Variants in PCDH7 observed in about 807,000 individuals in gnomAD.
PCDH7 encodes the protein protocadherin 7.
PCDH7 carries 17 observed loss-of-function variants against 58.9 expected under a neutral mutation model. That is an observed-to-expected ratio of 0.29 (90% CI 0.20 to 0.43). The LOEUF is 0.43. PCDH7 is among the 20% of genes least tolerant of loss of function. The pLI is 1.00. For synonymous variants in PCDH7, 664 were observed against 616.4 expected (o/e 1.08, Z -1.14); for missense variants, 1,274 against 1,441.0 (o/e 0.88, Z 1.88).
At position 30,937,124 on chromosome 4, in the gene PCDH7, CT is replaced by C. The variant is rs1169228442; in HGVS notation, c.288-12990del. Reference sequence around the variant, plus strand: ...AAGATTGTGGAAACAAAGCAATTAACTTTTTTAATTATGCAAACCATTCAGT... The same window carrying C: ...AAGATTGTGGAAACAAAGCAATTAACTTTTTAATTATGCAAACCATTCAGT... On this transcript the variant is annotated intron_variant, in intron 2 of 3. Transcript: ENST00000509759. 2.6e-5 allele frequency among the ~76,000 whole-genome samples: 4 copies of C among 152,100 alleles called. No individual in the cohort carries two copies. The East Asian group carries it at 7.7e-4, about 29-fold the overall frequency.
At chr4:31,062,715 C>A (rs1757784385) in intron 3 of PCDH7, among the ~76,000 whole-genome samples, 1 of 151,788 alleles carries the variant, frequency 6.6e-6, no homozygotes, top group Non-Finnish European at 1.5e-5. Flanking sequence ...TGTCAAAATG[C>A]CACAGGGCCA....
chr4:30,850,996 A>G (rs1732659907), intron 1 of PCDH7, among the ~76,000 whole-genome samples: 2 of 152,046 alleles, frequency 1.3e-5, no homozygotes, highest in Non-Finnish European at 2.9e-5. Context: ...TGGAGATATT[A>G]AAGGAAGCCA....
intron 3 of PCDH7, among the ~76,000 whole-genome samples, chr4:31,055,651 G>T (rs1020101066): frequency 1.3e-5 from 2 of 151,532 alleles, no homozygotes; most frequent in African/African-American, 2.4e-5. Context: ...ATCTCGGCTC[G>T]CTGCAACCTC....
Position 30,839,183 on chromosome 4 carries a change from A to C in PCDH7, c.71-80970A>C, listed in dbSNP as rs188232072. ...ATGTATTATGTAGTATACTCTCTCT[A>C]TATATATGTGTGTACATAACCAATT... On this transcript the variant is annotated intron_variant, in intron 1 of 3. Transcript: ENST00000509759. 2.6e-3 allele frequency among the ~76,000 whole-genome samples: 389 copies of C among 152,076 alleles called. 2 individuals carry two copies. Among genetic ancestry groups the C allele is most frequent in the South Asian group, 9.9e-3 (48 of 4,826 alleles).
At chr4:30,946,771 G>A (rs13122707) in intron 2 of PCDH7, among the ~76,000 whole-genome samples, 1 of 149,442 alleles carries the variant, frequency 6.7e-6, no homozygotes, top group African/African-American at 2.5e-5. Flanking sequence ...GCAGTGGCAC[G>A]ATCTTGGCTC....
At chr4:31,097,587 CATATATATATATATAT>C (rs1190443409) in intron 3 of PCDH7, among the ~76,000 whole-genome samples, 74 of 40,088 alleles carry the variant, frequency 1.8e-3, no homozygotes, top group Admixed American at 3.7e-3. Context: ...TCCAAATATA[CATATATATATATATAT>C]ATATATATAT....
At chr4:31,143,850 G>T (rs1720507019), downstream of PCDH7, 1 of 152,198 alleles carries the variant, frequency 6.6e-6, no homozygotes, top group South Asian at 2.1e-4. Context: ...CTTTTAAAAT[G>T]GATTTTATTT....
rs185660821 is a variant in PCDH7, at chr4:30,756,414, G to C, written c.70+31818G>C. Among the ~76,000 whole-genome samples, 15 of 152,254 alleles carry C rather than the reference G, an allele frequency of 9.9e-5. No individual in the cohort carries two copies. The East Asian group carries it at 2.7e-3, about 28-fold the overall frequency. On this transcript the variant is annotated intron_variant, in intron 1 of 3. Coordinates refer to the PCDH7 transcript ENST00000509759. Reference sequence around the variant, plus strand: ...AAATGATAGCACCCACCCGGAAGATGAGGAAACTGAGACAAATACAGATTC... The same window carrying C: ...AAATGATAGCACCCACCCGGAAGATCAGGAAACTGAGACAAATACAGATTC...
intron 1 of PCDH7, among the ~76,000 whole-genome samples, chr4:30,894,516 T>TACACAC (rs55942705): frequency 7.8e-4 from 25 of 32,196 alleles, no homozygotes; most frequent in East Asian, 2.2e-3. Context: ...TATATATATA[T>TACACAC]ACACACACAC....
chr4:30,931,603 G>A (rs1578330840), intron 2 of PCDH7, among the ~76,000 whole-genome samples: 2 of 151,610 alleles, frequency 1.3e-5, no homozygotes, highest in Non-Finnish European at 2.9e-5. Context: ...ATATATATAT[G>A]TAGTAAGTAA....
intron 3 of PCDH7, among the ~76,000 whole-genome samples, chr4:30,991,083 G>A (rs558304089): frequency 5.9e-5 from 9 of 152,064 alleles, no homozygotes; most frequent in South Asian, 2.1e-4. Context: ...ACGATACACC[G>A]GGTTCTTTCC....
intron 2 of PCDH7, among the ~76,000 whole-genome samples, chr4:30,948,959 T>C (rs1187418055): frequency 6.6e-6 from 1 of 152,148 alleles, no homozygotes. Context: ...CTAATGATCC[T>C]TGTGATAGCT....
intron 1 of PCDH7, among the ~76,000 whole-genome samples, chr4:30,906,234 A>G (rs898885850): frequency 1.3e-5 from 2 of 152,174 alleles, no homozygotes; most frequent in African/African-American, 4.8e-5. Flanking sequence ...GATCCAACCC[A>G]TATACTCTTA....
At chr4:31,061,777 A>G (rs1757708693) in intron 3 of PCDH7, among the ~76,000 whole-genome samples, 1 of 151,694 alleles carries the variant, frequency 6.6e-6, no homozygotes, top group Non-Finnish European at 1.5e-5. Flanking sequence ...TGAAATTTTT[A>G]CTGATTTTCA....
chr4:30,908,166 C>G (rs549630629), intron 1 of PCDH7, among the ~76,000 whole-genome samples: 12 of 149,834 alleles, frequency 8.0e-5, no homozygotes, highest in African/African-American at 2.2e-4. Flanking sequence ...ATGGGTGCAG[C>G]AAACCAGCAT....
intron 3 of PCDH7, among the ~76,000 whole-genome samples, chr4:31,060,490 A>G (rs992674418): frequency 2.7e-4 from 41 of 151,758 alleles, no homozygotes; most frequent in African/African-American, 8.9e-4. Flanking sequence ...CCTTGAGGGG[A>G]CAGTTTTCAT....
chr4:30,924,767 G>A lies in PCDH7; in HGVS notation c.287+4398G>A, dbSNP rs544608820. Among the ~76,000 whole-genome samples the A allele has an allele frequency of 2.6e-5, 4 of 151,104 alleles. No individual in the cohort carries two copies. In the South Asian group the frequency reaches 8.3e-4, roughly 31 times the overall value. On this transcript the variant is annotated intron_variant, in intron 2 of 3. Transcript: ENST00000509759. ...ATTAAGACATTTCACAATAGAATAA[G>A]CACATGTGTTTTCTTACTTAACAAT...
At chr4:30,833,440 C>T (rs554752625) in intron 1 of PCDH7, among the ~76,000 whole-genome samples, 16 of 152,274 alleles carry the variant, frequency 1.1e-4, no homozygotes, top group South Asian at 6.2e-4. Flanking sequence ...CTGACTCTTC[C>T]GCCTTCTGCT....
chr4:31,031,729 T>C (rs2109187469), intron 3 of PCDH7, among the ~76,000 whole-genome samples: 1 of 152,340 alleles, frequency 6.6e-6, no homozygotes, highest in Middle Eastern at 3.4e-3. Context: ...TCCATCTCAG[T>C]GTAAGGAATT....
Sources: gnomAD v4.1 joint callset for allele counts (sites outside exome capture counted in the v4.1 genomes callset) on GRCh38, gnomAD v4.1.1 for gene constraint, MANE v1.5 for transcripts, NCBI Gene and HGNC (gene_info 2026-07-23, HGNC 2026-07-21) for gene names.